Variants in ZNF606 observed in about 807,000 individuals in gnomAD.
ZNF606 encodes the protein zinc finger protein 606.
Under a neutral mutation model 74.9 loss-of-function variants are expected in ZNF606, and 37 were observed. That is an observed-to-expected ratio of 0.49 (90% CI 0.38 to 0.65). The LOEUF (loss-of-function observed/expected upper bound fraction) is 0.65. Among genes scored for constraint, ZNF606 ranks in the 30% least tolerant of loss-of-function variants. The pLI is 0.00. For missense variants in ZNF606, 852 were observed against 952.9 expected (o/e 0.89, Z 1.39); for synonymous variants, 328 against 312.4 (o/e 1.05, Z -0.53).
At chr19:57,981,296 T>C (rs1308098622) in intron 6 of ZNF606, among the ~76,000 whole-genome samples, 3 of 152,190 alleles carry the variant, frequency 2.0e-5, no homozygotes, top group South Asian at 2.1e-4. Context: ...CTTTTTCCTT[T>C]GCTGATGTTG....
At chr19:57,981,849 GA>G (rs2073089563) in intron 6 of ZNF606, among the ~76,000 whole-genome samples, 2 of 152,202 alleles carry the variant, frequency 1.3e-5, no homozygotes, top group Non-Finnish European at 1.5e-5. Flanking sequence ...ACAGACACAG[GA>G]GTTACAGTCT....
At chr19:57,983,218 C>T (rs2073113649) in intron 6 of ZNF606, among the ~76,000 whole-genome samples, 1 of 152,102 alleles carries the variant, frequency 6.6e-6, no homozygotes, top group Non-Finnish European at 1.5e-5. Flanking sequence ...AAAGTACGGT[C>T]TCCCTGGAAG....
chr19:57,997,028 C>A (rs1409127701), intron 4 of ZNF606, among the ~76,000 whole-genome samples: 1 of 152,216 alleles, frequency 6.6e-6, no homozygotes, highest in Non-Finnish European at 1.5e-5. Flanking sequence ...ACTGCTCCCC[C>A]TTCAAGGAAC....
chr19:58,002,070 A>G (rs910141951), intron 1 of ZNF606: 2 of 425,066 alleles, frequency 4.7e-6, no homozygotes, highest in African/African-American at 4.0e-5. Context: ...TAGAACACAC[A>G]GTGGGCCTCA....
intron 2 of ZNF606, 31 bp from the exon 3 acceptor site, chr19:58,000,770 C>T (rs779895288): frequency 2.0e-6 from 3 of 1,523,338 alleles, no homozygotes; most frequent in Admixed American, 2.1e-5. Flanking sequence ...AGGACTGTGA[C>T]ACCAAACCTA....
In ZNF606 at chr19:57,983,692, G is replaced by A. The variant is rs113940523; in HGVS notation, c.401-3413C>T. Among the ~76,000 whole-genome samples the A allele has an allele frequency of 4.1e-3, 626 of 152,264 alleles. 6 individuals are homozygous for A. Among genetic ancestry groups the A allele is most frequent in the African/African-American group, 0.015 (609 of 41,558 alleles). On this transcript the variant is annotated intron_variant, in intron 6 of 6. Transcript: ENST00000551380. The stretch of plus-strand genomic sequence containing the variant: ...GACATCAGCACTAACTGAAGTGATC[G>A]AGGATGGTTCACACAAGAGAAACAA...
chr19:57,980,082 T>G lies in ZNF606; in HGVS notation c.598A>C (p.Met200Leu), dbSNP rs376942193. 7.6e-5 allele frequency: 123 copies of G among 1,613,812 alleles called. No individual in the cohort carries two copies. Among genetic ancestry groups the G allele is most frequent in the Non-Finnish European group, 1.0e-4 (118 of 1,180,040 alleles). ...QSTAMRQMVF[M>L]QKQVLSQRSS... Reference sequence around the variant, plus strand: ...CTCTGGGATAGTACTTGCTTTTGCATGAAGACCATCTGCCTCATAGCTGTA... The same window carrying G: ...CTCTGGGATAGTACTTGCTTTTGCAGGAAGACCATCTGCCTCATAGCTGTA... The change falls in exon 7 of 7, where the codon ATG becomes CTG. Residue 200 changes from methionine (M) to leucine (L), a missense_variant. Physicochemically the swap from Met to Leu is conservative, Grantham distance 15 (BLOSUM62 2). This residue lies in a region of ZNF606 where 545 missense variants were observed against 542.5 expected (regional missense o/e 1.00). Coordinates refer to ENST00000551380, the MANE Select transcript of ZNF606 (RefSeq NM_001348022.3).
At position 57,988,333 on chromosome 19, in the gene ZNF606, G is replaced by A. The variant is rs770251428; in HGVS notation, c.305-31C>T. 2.7e-5 allele frequency: 43 copies of A among 1,599,136 alleles called. No homozygotes were observed. In the South Asian group the frequency reaches 4.3e-4, roughly 16 times the overall value. On this transcript the variant is annotated intron_variant, in intron 5 of 6. Coordinates refer to ENST00000551380, the MANE Select transcript of ZNF606 (RefSeq NM_001348022.3). ...CATGGAGGAAAAGCATGGAAATCAT[G>A]TCATGAGGCTTCAGGACAGCCAAAG... is the stretch of plus-strand genomic sequence containing the variant.
intron 2 of ZNF606, 182 bp downstream of exon 2, chr19:58,001,105 CAT>C (rs1283039964): frequency 1.9e-5 from 13 of 683,970 alleles, no homozygotes; most frequent in Non-Finnish European, 3.2e-5. Context: ...GACTATAAAA[CAT>C]AAAAGTTAGT....
At chr19:57,998,653 TG>T (rs1412132536) in intron 4 of ZNF606, 1 of 152,234 alleles carries the variant, frequency 6.6e-6, no homozygotes, top group East Asian at 1.9e-4. Context: ...TGCACAATTC[TG>T]TGACTATACG....
At chr19:58,000,833 C>T (rs191300454) in intron 2 of ZNF606, 94 bp from the exon 3 acceptor site, 44 of 1,233,902 alleles carry the variant, frequency 3.6e-5, no homozygotes, top group Non-Finnish European at 4.9e-5. Context: ...ATGGGCACTA[C>T]AAAATTCCAT....
chr19:57,998,251 A>G (rs536660582), intron 4 of ZNF606: 2 of 152,318 alleles, frequency 1.3e-5, no homozygotes, highest in South Asian at 4.2e-4. Flanking sequence ...AAAATCTCCC[A>G]TTTAGAAATA....
chr19:57,988,411 G>T, intron 5 of ZNF606, 109 bp from the exon 6 acceptor site: 1 of 1,380,904 alleles, frequency 7.2e-7, no homozygotes, highest in Non-Finnish European at 1.0e-6. Context: ...GGCAGAATAT[G>T]CAAGGTCCTT....
intron 6 of ZNF606, among the ~76,000 whole-genome samples, chr19:57,986,173 A>G (rs946344551): frequency 6.6e-6 from 1 of 152,004 alleles, no homozygotes; most frequent in Non-Finnish European, 1.5e-5. Context: ...GCCACAGTTC[A>G]CTGTTAGCAA....
intron 6 of ZNF606, among the ~76,000 whole-genome samples, chr19:57,981,723 C>A (rs538375288): frequency 1.1e-3 from 165 of 152,308 alleles, no homozygotes; most frequent in African/African-American, 3.8e-3. Context: ...ATCCACCAAC[C>A]CAAAGGGCAA....
At chr19:57,983,810 G>A (rs2073125999) in intron 6 of ZNF606, among the ~76,000 whole-genome samples, 1 of 149,912 alleles carries the variant, frequency 6.7e-6, no homozygotes, top group African/African-American at 2.5e-5. Flanking sequence ...TGTGTGAGGA[G>A]GAAGATAAGG....
At chr19:57,997,569 G>A (rs1389319561) in intron 4 of ZNF606, 1 of 152,232 alleles carries the variant, frequency 6.6e-6, no homozygotes, top group African/African-American at 2.4e-5. Context: ...GGGCCAGCCA[G>A]GAGCATGTTA....
Position 57,978,072 on chromosome 19 carries a change from G to A in ZNF606, c.*229C>T. ...TGGTAGACCATAAGGGGAGTTTAGAGTTTCCTTCATTGTTAATTATCTGAT... is the reference window on the plus strand; with the variant it reads ...TGGTAGACCATAAGGGGAGTTTAGAATTTCCTTCATTGTTAATTATCTGAT... On this transcript the variant is annotated 3_prime_UTR_variant, in exon 7 of 7. Transcript: ENST00000551380. This position sits in a 1 kb window ranked among gnomAD's most constrained non-coding sequence, Gnocchi z 4.4. The A allele has an allele frequency of 2.5e-6, 1 of 395,812 alleles. No individual in the cohort carries two copies. The highest frequency in any genetic ancestry group is 4.4e-6 in the Non-Finnish European group (1 of 225,990). The allele number at this position is 395,812 out of a possible 1,614,324, so 24.5% of individuals were successfully genotyped here.
chr19:57,981,846 C>T (rs970846081), intron 6 of ZNF606, among the ~76,000 whole-genome samples: 1 of 152,188 alleles, frequency 6.6e-6, no homozygotes, highest in Non-Finnish European at 1.5e-5. Context: ...AAAACAGACA[C>T]AGGAGTTACA....
Sources: allele counts gnomAD v4.1 joint callset (sites outside exome capture counted in the v4.1 genomes callset), GRCh38; gene constraint gnomAD v4.1.1; regional missense constraint gnomAD v4.1.1; non-coding constraint Gnocchi (gnomAD v3.1); transcripts MANE v1.5; gene names NCBI Gene and HGNC (gene_info 2026-07-23, HGNC 2026-07-21).